The following TEK variants were observed in gnomAD, a reference collection of about 807,000 sequenced individuals.
The protein encoded by TEK is angiopoietin-1 receptor.
In TEK, 43 loss-of-function variants were observed where a neutral mutation model predicts 131.8. That is an observed-to-expected ratio of 0.33 (90% CI 0.26 to 0.42). The LOEUF (loss-of-function observed/expected upper bound fraction) is 0.42. Ranked by LOEUF, TEK falls within the 10% of genes least tolerant of loss-of-function variation. TEK has a pLI of 1.00. For missense variants in TEK, 1,162 were observed against 1,384.4 expected, an observed-to-expected ratio of 0.84 and a Z score of 2.55; for synonymous variants, 580 against 491.6, an observed-to-expected ratio of 1.18 and a Z score of -2.38.
At chr9:27,224,575 C>G (rs555226239) in intron 21 of TEK, among the ~76,000 whole-genome samples, 1 of 152,234 alleles carries the variant, frequency 6.6e-6, no homozygotes, top group South Asian at 2.1e-4. Flanking sequence ...GCTAAACACG[C>G]TCAGTAAACT....
chr9:27,136,999 T>G (rs1822478590), intron 1 of TEK, among the ~76,000 whole-genome samples: 1 of 152,140 alleles, frequency 6.6e-6, no homozygotes, highest in South Asian at 2.1e-4. Context: ...CACTGCAACC[T>G]CTGCCTCCCG....
At chr9:27,228,062 C>G in intron 21 of TEK, 144 bp from the exon 22 acceptor site, 1 of 602,908 alleles carries the variant, frequency 1.7e-6, no homozygotes, top group South Asian at 1.9e-5. Context: ...GGTGGGAGTC[C>G]TCATAGAAAC....
intron 1 of TEK, among the ~76,000 whole-genome samples, chr9:27,131,339 CAGGT>C (rs1822209809): frequency 6.6e-6 from 1 of 151,590 alleles, no homozygotes; most frequent in Non-Finnish European, 1.5e-5. Flanking sequence ...ATACAAAAAT[CAGGT>C]GGGTGTGGTG....
At chr9:27,212,289 G>A (rs960894097) in intron 16 of TEK, among the ~76,000 whole-genome samples, 2 of 152,166 alleles carry the variant, frequency 1.3e-5, no homozygotes, top group Non-Finnish European at 2.9e-5. Context: ...ATAGCTAGAG[G>A]CAGACTAGAA....
intron 1 of TEK, among the ~76,000 whole-genome samples, chr9:27,155,881 G>A (rs1481619572): frequency 2.6e-5 from 4 of 151,266 alleles, no homozygotes; most frequent in Non-Finnish European, 4.4e-5. Context: ...CGCAGCACTG[G>A]AACCTCTGCC....
At chr9:27,158,290 TG>T in intron 2 of TEK, 148 bp downstream of exon 2, 1 of 923,780 alleles carries the variant, frequency 1.1e-6, no homozygotes, top group Non-Finnish European at 1.7e-6. Flanking sequence ...TGCATCACCG[TG>T]TCTGGTACAT....
chr9:27,127,420 G>C (rs1822029725), intron 1 of TEK, among the ~76,000 whole-genome samples: 1 of 152,210 alleles, frequency 6.6e-6, no homozygotes, highest in Non-Finnish European at 1.5e-5. Flanking sequence ...ATCGTGAATA[G>C]TGCCACAATA....
intron 1 of TEK, among the ~76,000 whole-genome samples, chr9:27,116,297 T>G (rs1251194021): frequency 6.6e-6 from 1 of 151,322 alleles, no homozygotes; most frequent in African/African-American, 2.4e-5. Flanking sequence ...TAAAGGAAGT[T>G]TTTTTTTTTG....
At chr9:27,183,704 ATCC>A (rs1344648962) in intron 8 of TEK, 94 bp downstream of exon 8, 2 of 1,511,222 alleles carry the variant, frequency 1.3e-6, no homozygotes, top group Admixed American at 3.3e-5. Flanking sequence ...CAGTGCTTTT[ATCC>A]TCCTAGGCTA....
intron 1 of TEK, among the ~76,000 whole-genome samples, chr9:27,125,297 A>T (rs1287798752): frequency 6.6e-6 from 1 of 152,228 alleles, no homozygotes; most frequent in African/African-American, 2.4e-5. Flanking sequence ...TCAGTAAATT[A>T]TGATTGCAGC....
Position 27,135,672 on chromosome 9 carries a change from G to A in TEK, c.53-22159G>A, listed in dbSNP as rs1051038318. Among the ~76,000 whole-genome samples, 3 of 152,248 alleles carry A rather than the reference G, an allele frequency of 2.0e-5. No individual in the cohort carries two copies. In the South Asian group the frequency reaches 6.2e-4, roughly 32 times the overall value. On this transcript the variant is annotated intron_variant, in intron 1 of 22. Transcript: ENST00000380036. ...CAGATGACCAATCTGAGGCACAGAGGCTAAATAACTTAACTTGTAAGTGGC... is the reference window on the plus strand; with the variant it reads ...CAGATGACCAATCTGAGGCACAGAGACTAAATAACTTAACTTGTAAGTGGC...
intron 8 of TEK, among the ~76,000 whole-genome samples, chr9:27,183,898 A>G (rs1250082070): frequency 6.6e-6 from 1 of 152,168 alleles, no homozygotes. Flanking sequence ...TCCAGCTGGT[A>G]TGGGGAGAAG....
At chr9:27,153,182 C>T (rs759929686) in intron 1 of TEK, among the ~76,000 whole-genome samples, 81 of 152,318 alleles carry the variant, frequency 5.3e-4, no homozygotes, top group Non-Finnish European at 8.4e-4. Flanking sequence ...GGGCGCATGG[C>T]TCACACATGT....
chr9:27,168,879 A>G (rs750405371), intron 3 of TEK, among the ~76,000 whole-genome samples: 3 of 152,242 alleles, frequency 2.0e-5, no homozygotes, highest in African/African-American at 4.8e-5. Context: ...AACTTCAGCC[A>G]TATAAAGTGT....
At chr9:27,168,062 T>C (rs753405397) in intron 2 of TEK, among the ~76,000 whole-genome samples, 5 of 152,220 alleles carry the variant, frequency 3.3e-5, no homozygotes, top group South Asian at 2.1e-4. Flanking sequence ...GAAATGTTCA[T>C]TGGAGCATTT....
Position 27,212,914 on chromosome 9 carries a change from TC to T in TEK, c.2877+18del. On this transcript the variant is annotated intron_variant, in intron 17 of 22. Coordinates refer to ENST00000380036, the MANE Select transcript of TEK (RefSeq NM_000459.5). ...CAAAAACAGGTTTGTCCGGAGGACT[TC>T]GCTTTGGATATCTTTCCTGTGGAGT... is the stretch of plus-strand genomic sequence containing the variant. 1 of 1,612,348 alleles carries T rather than the reference TC, an allele frequency of 6.2e-7. No homozygotes were observed. The highest frequency in any genetic ancestry group is 1.1e-5 in the South Asian group (1 of 90,926).
At chr9:27,224,817 GTC>G (rs1307294891) in intron 21 of TEK, among the ~76,000 whole-genome samples, 1 of 152,224 alleles carries the variant, frequency 6.6e-6, no homozygotes, top group East Asian at 1.9e-4. Context: ...AAGTCAAACT[GTC>G]TCTGTCTGCA....
chr9:27,131,645 T>C (rs1822228799), intron 1 of TEK, among the ~76,000 whole-genome samples: 1 of 138,182 alleles, frequency 7.2e-6, no homozygotes, highest in African/African-American at 2.7e-5. Context: ...CCCCGTCTCT[T>C]AAAAAAAAAA....
chr9:27,142,318 T>G (rs1822756366), intron 1 of TEK, among the ~76,000 whole-genome samples: 1 of 152,178 alleles, frequency 6.6e-6, no homozygotes, highest in Non-Finnish European at 1.5e-5. Context: ...GATACTAAGT[T>G]CTTACTGGAC....
Sources: gnomAD v4.1 joint callset for allele counts (sites outside exome capture counted in the v4.1 genomes callset) on GRCh38, gnomAD v4.1.1 for gene constraint, MANE v1.5 for transcripts, NCBI Gene and HGNC (gene_info 2026-07-23, HGNC 2026-07-21) for gene names.